Variants in ABHD12B observed in about 807,000 individuals in gnomAD.
ABHD12B encodes the protein protein ABHD12B.
A neutral mutation model predicts 50.4 loss-of-function variants in ABHD12B; 42 were observed. The observed-to-expected ratio is 0.83, with a 90% CI of 0.65 to 1.08. The LOEUF is 1.08. Ranked by LOEUF, ABHD12B falls within the 50% of genes least tolerant of loss-of-function variation. The probability of loss-of-function intolerance (pLI) is 0.00; values close to 1 mark genes in which losing one functional copy is unlikely to be tolerated. For synonymous variants in ABHD12B, 167 were observed against 160.3 expected (o/e 1.04, Z -0.32); for missense variants, 479 against 447.7 (o/e 1.07, Z -0.63).
chr14:50,889,264 C>T (rs778110629), intron 9 of ABHD12B, among the ~76,000 whole-genome samples: 2 of 152,300 alleles, frequency 1.3e-5, no homozygotes, highest in Middle Eastern at 3.4e-3. Flanking sequence ...ATAACTTTAT[C>T]GTAAGAAAGT....
rs2049886757 is a variant in ABHD12B at position 50,878,027 on chromosome 14, A to C, written c.180A>C (p.Leu60Phe). The stretch of plus-strand genomic sequence containing the variant: ...ATGACAGCTTTACTAGTAAATCCTT[A>C]AAAGAACACGTTTTCCTTCCTCTGA... ...ALYDSFTSKS[L>F]KEHVFLPLID... The change falls in exon 2 of 13, where the codon TTA (leucine) becomes TTC (phenylalanine). Residue 60 changes from leucine (L) to phenylalanine (F), a missense_variant. Physicochemically the swap from Leu to Phe is conservative, Grantham distance 22. Coordinates refer to ENST00000337334, the MANE Select transcript of ABHD12B (RefSeq NM_001206673.2). 1.3e-6 allele frequency: 2 copies of C among 1,535,108 alleles called. No individual in the cohort carries two copies. Among genetic ancestry groups the C allele is most frequent in the South Asian group, 2.4e-5 (2 of 83,814 alleles).
In ABHD12B at chr14:50,880,462, C is replaced by G. The variant is rs760550383; in HGVS notation, c.346C>G (p.Pro116Ala). 14 of 1,607,984 alleles carry G rather than the reference C, an allele frequency of 8.7e-6. No individual in the cohort carries two copies. The Admixed American group carries it at 1.4e-4, about 16-fold the overall frequency. Reference sequence around the variant, plus strand: ...TCCCTTGCTCTTCAGGCACACAGTCCCCAGCTGCCGGGGGGAAGATGCCAA... The same window carrying G: ...TCCCTTGCTCTTCAGGCACACAGTCGCCAGCTGCCGGGGGGAAGATGCCAA... ...GVMLGIWHTV[P>A]SCRGEDAKGK... is the part of the protein sequence containing the mutation. Residue 116 changes from proline to alanine, a missense_variant, in exon 4 of 13, where the codon CCC becomes GCC. By Grantham distance (27) the Pro-to-Ala change is conservative (BLOSUM62 -1). Transcript: ENST00000337334.
chr14:50,881,494 C>A, intron 4 of ABHD12B, 102 bp from the exon 5 acceptor site: 2 of 1,223,404 alleles, frequency 1.6e-6, no homozygotes, highest in Non-Finnish European at 2.3e-6. Flanking sequence ...AAGAGAAAGG[C>A]GTGAGATCAG....
chr14:50,903,440 G>A lies in ABHD12B; in HGVS notation c.915G>A (p.Arg305=). The change falls in exon 11 of 13, where the codon AGG becomes AGA. Residue 305 remains arginine, a synonymous_variant. Transcript: ENST00000337334. ...PLLILHGEDD[R]TVPLEYGKKL... ...TCATCTTACATGGAGAGGATGACAG[G>A]ACAGTGCCTTTGGAGTATGGGAAAA... The A allele has an allele frequency of 6.2e-7, 1 of 1,612,800 alleles. No homozygotes were observed. Among genetic ancestry groups the A allele is most frequent in the Non-Finnish European group, 8.5e-7 (1 of 1,179,102 alleles).
chr14:50,904,530 C>A lies in ABHD12B; in HGVS notation c.*164C>A. On this transcript the variant is annotated 3_prime_UTR_variant, in exon 13 of 13. Coordinates refer to ENST00000337334, the MANE Select transcript of ABHD12B (RefSeq NM_001206673.2). ...AACAACAGAAAGTACGAATGTTAGG[C>A]AGTATGGAATGTTCTTATTTAGCTT... 2.4e-6 allele frequency: 2 copies of A among 838,788 alleles called. No individual in the cohort carries two copies. The allele number at this position is 838,788 out of a possible 1,614,324, so 52.0% of individuals were successfully genotyped here.
chr14:50,889,840 T>A (rs1479190564), intron 9 of ABHD12B, among the ~76,000 whole-genome samples: 2 of 152,334 alleles, frequency 1.3e-5, no homozygotes, highest in East Asian at 3.9e-4. Flanking sequence ...CTGTAAGACA[T>A]CTTGGAGTAT....
At chr14:50,903,519 T>G in intron 11 of ABHD12B, 52 bp downstream of exon 11, 1 of 1,498,956 alleles carries the variant, frequency 6.7e-7, no homozygotes. Flanking sequence ...ATTTCACCAT[T>G]TTTTTCATTC....
chr14:50,884,471 C>A (rs10131261), intron 5 of ABHD12B, among the ~76,000 whole-genome samples: 3 of 152,198 alleles, frequency 2.0e-5, no homozygotes, highest in African/African-American at 7.2e-5. Flanking sequence ...GGAGGAAGCG[C>A]AGTATTTGGA....
intron 1 of ABHD12B, among the ~76,000 whole-genome samples, chr14:50,877,629 GA>G (rs1347345541): frequency 1.3e-5 from 2 of 152,304 alleles, no homozygotes; most frequent in East Asian, 3.9e-4. Context: ...GTTAGTCTCT[GA>G]AATTTGGGGG....
rs1298797581 is a variant in ABHD12B, at chr14:50,888,882, T to G, written c.759T>G (p.Ser253Arg). Residue 253 changes from serine to arginine, a missense_variant, in exon 9 of 13, where the codon AGT becomes AGG. Physicochemically the swap from Ser to Arg is moderately radical, Grantham distance 110 (BLOSUM62 -1). Coordinates refer to ENST00000337334, the MANE Select transcript of ABHD12B (RefSeq NM_001206673.2). ...EAPFTNMWVA[S>R]INYPLLKIYR... ...CATTTACCAACATGTGGGTTGCAAG[T>G]ATCAATTATCCCTTGTTAAAGGTGA... 6.2e-7 allele frequency: 1 copy of G among 1,614,098 alleles called. No homozygotes were observed. Among genetic ancestry groups the G allele is most frequent in the Non-Finnish European group, 8.5e-7 (1 of 1,179,990 alleles).
intron 9 of ABHD12B, among the ~76,000 whole-genome samples, chr14:50,900,572 G>A (rs2050250965): frequency 6.6e-6 from 1 of 152,244 alleles, no homozygotes; most frequent in Admixed American, 6.5e-5. Flanking sequence ...ACTGGGTGGT[G>A]GGGGCAAGGT....
intron 9 of ABHD12B, among the ~76,000 whole-genome samples, chr14:50,889,929 AACTT>A (rs1467853358): frequency 1.3e-5 from 2 of 152,212 alleles, no homozygotes; most frequent in African/African-American, 2.4e-5. Context: ...GAATTTCTGA[AACTT>A]ACTTAACTAT....
intron 9 of ABHD12B, among the ~76,000 whole-genome samples, chr14:50,899,726 C>T (rs1305758068): frequency 1.3e-5 from 2 of 151,912 alleles, no homozygotes; most frequent in African/African-American, 4.8e-5. Context: ...AGTTCGAGAC[C>T]AGCCTAGCCA....
chr14:50,872,204 ATCGCCCGAGCCGCCCGG>A lies in ABHD12B; in HGVS notation c.31_47del (p.Ser11AlafsTer5). 7.3e-7 allele frequency: 1 copy of A among 1,373,272 alleles called. No individual in the cohort carries two copies. The highest frequency in any genetic ancestry group is 9.4e-7 in the Non-Finnish European group (1 of 1,061,552). The allele number at this position is 1,373,272 out of a possible 1,614,324, so 85.1% of individuals were successfully genotyped here. A position where few individuals can be genotyped will look rare whatever the true frequency, so the allele number is the denominator to read the frequency against. ...ACGCGCAGGACTGCCAGGCGGCCGCATCGCCCGAGCCGCCCGGGCCCCCAGCCCGTAGCTGCGTGGCC... is the reference window on the plus strand; with the variant it reads ...ACGCGCAGGACTGCCAGGCGGCCGCAGCCCCCAGCCCGTAGCTGCGTGGCC... On this transcript the variant is annotated frameshift_variant, in exon 1 of 13. Coordinates refer to ENST00000337334, the MANE Select transcript of ABHD12B (RefSeq NM_001206673.2). LOFTEE classifies it high-confidence loss of function.
chr14:50,889,017 T>C (rs1049490161), intron 9 of ABHD12B, 114 bp downstream of exon 9: 23 of 833,188 alleles, frequency 2.8e-5, no homozygotes, highest in Non-Finnish European at 3.9e-5. Context: ...AGTAGTTTTA[T>C]ATGTTTTTAA....
chr14:50,897,846 G>A (rs1214398976), intron 9 of ABHD12B, among the ~76,000 whole-genome samples: 1 of 152,218 alleles, frequency 6.6e-6, no homozygotes, highest in Non-Finnish European at 1.5e-5. Context: ...CTGCTAGTAA[G>A]CACTAGACAA....
intron 9 of ABHD12B, among the ~76,000 whole-genome samples, chr14:50,898,851 G>A (rs1297263592): frequency 3.9e-5 from 6 of 152,196 alleles, no homozygotes; most frequent in Non-Finnish European, 8.8e-5. Context: ...CAGATCAGTT[G>A]CTATGAGACC....
At chr14:50,882,944 C>T (rs936424765) in intron 5 of ABHD12B, among the ~76,000 whole-genome samples, 1 of 134,734 alleles carries the variant, frequency 7.4e-6, no homozygotes. Context: ...ACACTGCAGC[C>T]TGAATGACAG....
At chr14:50,900,835 G>A (rs1356227137) in intron 9 of ABHD12B, among the ~76,000 whole-genome samples, 1 of 152,208 alleles carries the variant, frequency 6.6e-6, no homozygotes, top group African/African-American at 2.4e-5. Context: ...GATTCTTCAG[G>A]GCCTTGGAGG....
Sources: allele counts gnomAD v4.1 joint callset (sites outside exome capture counted in the v4.1 genomes callset), GRCh38; gene constraint gnomAD v4.1.1; transcripts MANE v1.5; gene names NCBI Gene and HGNC (gene_info 2026-07-23, HGNC 2026-07-21).